The following PKIB variants were observed in gnomAD, a reference collection of about 807,000 sequenced individuals.
PKIB encodes cAMP-dependent protein kinase inhibitor beta.
Under a neutral mutation model 4.5 loss-of-function variants are expected in PKIB, and 2 were observed. The observed-to-expected ratio is 0.44, with a 90% CI of 0.18 to 1.39. PKIB has a LOEUF of 1.39. PKIB is among the 40% of genes most tolerant of loss of function. PKIB has a pLI of 0.27. For synonymous variants in PKIB, 38 were observed against 36.0 expected, an observed-to-expected ratio of 1.06 and a Z score of -0.20; for missense variants, 94 against 92.6, an observed-to-expected ratio of 1.02 and a Z score of -0.06.
chr6:122,634,856 G>A (rs1461975440), intron 2 of PKIB, among the ~76,000 whole-genome samples: 3 of 151,784 alleles, frequency 2.0e-5, no homozygotes, highest in African/African-American at 7.3e-5. Flanking sequence ...GAAGGAGAAT[G>A]GTGTGAACCC....
At chr6:122,499,106 T>A (rs1044494853) in intron 2 of PKIB, among the ~76,000 whole-genome samples, 5 of 152,164 alleles carry the variant, frequency 3.3e-5, no homozygotes, top group African/African-American at 9.7e-5. Flanking sequence ...CTGGATCAGA[T>A]GGATTCACAG....
intron 3 of PKIB, among the ~76,000 whole-genome samples, chr6:122,707,264 G>C (rs1779101253): frequency 6.6e-6 from 1 of 151,670 alleles, no homozygotes; most frequent in Non-Finnish European, 1.5e-5. Context: ...CCATAATTTT[G>C]ATTGAATTTT....
intron 2 of PKIB, among the ~76,000 whole-genome samples, chr6:122,575,782 G>C (rs1474470509): frequency 6.6e-6 from 1 of 152,136 alleles, no homozygotes; most frequent in Non-Finnish European, 1.5e-5. Flanking sequence ...AGTTGTGGGG[G>C]TAAAAGGCTA....
intron 2 of PKIB, among the ~76,000 whole-genome samples, chr6:122,660,680 C>T (rs34151405): frequency 0.056 from 8,567 of 152,166 alleles, 264 homozygotes; most frequent in East Asian, 0.13. Flanking sequence ...GTAGTTCCCC[C>T]AACCTTTGCA....
chr6:122,481,962 T>G (rs1235123729), intron 2 of PKIB: 1 of 15,296 alleles, frequency 6.5e-5, no homozygotes, highest in Non-Finnish European at 1.6e-4. Context: ...CAAAGGTAAG[T>G]TTTGTTTTTT....
chr6:122,623,847 T>A (rs1464769913), intron 1 of PKIB, among the ~76,000 whole-genome samples: 2 of 151,112 alleles, frequency 1.3e-5, no homozygotes, highest in Non-Finnish European at 3.0e-5. Flanking sequence ...TTTTTTTTTT[T>A]ACTGTTTCTA....
chr6:122,571,314 T>G (rs1773361666), intron 2 of PKIB, among the ~76,000 whole-genome samples: 1 of 152,144 alleles, frequency 6.6e-6, no homozygotes, highest in South Asian at 2.1e-4. Flanking sequence ...GTCTAAGAGT[T>G]TGGAGAACTT....
intron 2 of PKIB, among the ~76,000 whole-genome samples, chr6:122,673,008 A>T (rs1391524867): frequency 6.6e-6 from 1 of 152,170 alleles, no homozygotes; most frequent in East Asian, 1.9e-4. Context: ...TTTTATGTAC[A>T]TTAGTAATAA....
At chr6:122,707,870 C>T (rs1382474793) in intron 3 of PKIB, among the ~76,000 whole-genome samples, 9 of 152,092 alleles carry the variant, frequency 5.9e-5, no homozygotes, top group African/African-American at 2.2e-4. Context: ...TACTGGATAG[C>T]GGGATGGCAA....
intron 2 of PKIB, among the ~76,000 whole-genome samples, chr6:122,576,689 A>AAAAAAAAATATATATATAT (rs1345822382): frequency 5.8e-5 from 2 of 34,314 alleles, no homozygotes; most frequent in Non-Finnish European, 9.3e-5. Flanking sequence ...AAAAAAAAAA[A>AAAAAAAAATATATATATAT]ATATATATAT....
At position 122,694,958 on chromosome 6, in the gene PKIB, A is replaced by G. The variant is rs545153871; in HGVS notation, c.-9+19814A>G. Among the ~76,000 whole-genome samples, 5 of 152,308 alleles carry G rather than the reference A, an allele frequency of 3.3e-5. No individual in the cohort carries two copies. The South Asian group carries it at 1.0e-3, about 32-fold the overall frequency. Reference sequence around the variant, plus strand: ...GTAAATAGAGTGTAGTCAGCTGTCAATTTCAATTACCCTGAGGGAATCTAA... The same window carrying G: ...GTAAATAGAGTGTAGTCAGCTGTCAGTTTCAATTACCCTGAGGGAATCTAA... On this transcript the variant is annotated intron_variant, in intron 3 of 4. Coordinates refer to ENST00000368452, the MANE Select transcript of PKIB (RefSeq NM_181795.3).
At chr6:122,577,241 T>C (rs1296989311) in intron 2 of PKIB, among the ~76,000 whole-genome samples, 1 of 152,112 alleles carries the variant, frequency 6.6e-6, no homozygotes, top group Admixed American at 6.5e-5. Flanking sequence ...GAGAATAAAA[T>C]GAGATTAAAA....
At chr6:122,506,289 AAGG>A (rs1270981386) in intron 2 of PKIB, among the ~76,000 whole-genome samples, 1 of 152,186 alleles carries the variant, frequency 6.6e-6, no homozygotes, top group Non-Finnish European at 1.5e-5. Flanking sequence ...ATTAACATAA[AAGG>A]AGGTTTGACA....
chr6:122,532,576 T>TATATCCCATATA (rs1777290310), intron 2 of PKIB, among the ~76,000 whole-genome samples: 1 of 152,214 alleles, frequency 6.6e-6, no homozygotes. Context: ...TCTTTATCTG[T>TATATCCCATATA]GAATTTGACT....
At chr6:122,573,828 A>G (rs1773445525) in intron 2 of PKIB, among the ~76,000 whole-genome samples, 1 of 152,212 alleles carries the variant, frequency 6.6e-6, no homozygotes, top group Non-Finnish European at 1.5e-5. Flanking sequence ...CTGAATGGGA[A>G]AAAGTTGAAA....
intron 2 of PKIB, among the ~76,000 whole-genome samples, chr6:122,544,179 A>G (rs904010035): frequency 3.3e-5 from 5 of 151,980 alleles, no homozygotes; most frequent in African/African-American, 1.2e-4. Context: ...GTATATAATC[A>G]TAAGGTAAAT....
chr6:122,699,340 A>G (rs1032727432), intron 3 of PKIB, among the ~76,000 whole-genome samples: 17 of 152,046 alleles, frequency 1.1e-4, no homozygotes, highest in Non-Finnish European at 2.5e-4. Context: ...TGACTGCTAA[A>G]CTGCTGACAT....
At chr6:122,664,066 GT>G (rs1777121838) in intron 2 of PKIB, among the ~76,000 whole-genome samples, 1 of 152,224 alleles carries the variant, frequency 6.6e-6, no homozygotes, top group Middle Eastern at 3.2e-3. Context: ...ACAAGATGAT[GT>G]TATGTCAACT....
chr6:122,699,892 C>T (rs1245849569), intron 3 of PKIB, among the ~76,000 whole-genome samples: 1 of 152,078 alleles, frequency 6.6e-6, no homozygotes, highest in African/African-American at 2.4e-5. Flanking sequence ...TCTCTTTGTC[C>T]TCTATTTTAT....
Sources: allele counts gnomAD v4.1 joint callset (sites outside exome capture counted in the v4.1 genomes callset), GRCh38; gene constraint gnomAD v4.1.1; transcripts MANE v1.5; gene names NCBI Gene and HGNC (gene_info 2026-07-23, HGNC 2026-07-21).